The following MUC22 variants were observed in gnomAD, a reference collection of about 807,000 sequenced individuals.
MUC22 encodes the protein mucin-22.
Under a neutral mutation model 40.3 loss-of-function variants are expected in MUC22, and 24 were observed. The observed-to-expected ratio is 0.60, with a 90% CI of 0.43 to 0.84. The LOEUF (loss-of-function observed/expected upper bound fraction) is 0.84, where lower values mean the gene tolerates loss of function less well. Ranked by LOEUF, MUC22 falls within the 40% of genes least tolerant of loss-of-function variation. MUC22 has a pLI of 0.00. For synonymous variants in MUC22, 765 were observed against 844.5 expected (o/e 0.91, Z 1.63); for missense variants, 1,926 against 2,130.7 (o/e 0.90, Z 1.89).
At chr6:31,021,878 T>C (rs1420364398) in intron 1 of MUC22, among the ~76,000 whole-genome samples, 1 of 150,932 alleles carries the variant, frequency 6.6e-6, no homozygotes, top group Non-Finnish European at 1.5e-5. Flanking sequence ...CTTTGTTCTT[T>C]TGCTCTTTGC....
Position 31,032,598 on chromosome 6 carries a change from G to A in MUC22, c.5055+17G>A. 1 of 1,517,040 alleles carries A rather than the reference G, an allele frequency of 6.6e-7. No homozygotes were observed. Among genetic ancestry groups the A allele is most frequent in the Non-Finnish European group, 8.8e-7 (1 of 1,135,920 alleles). The allele number at this position is 1,517,040 out of a possible 1,614,324, so 94.0% of individuals were successfully genotyped here. On this transcript the variant is annotated intron_variant, in intron 3 of 3. Coordinates refer to ENST00000561890, the Ensembl canonical transcript of MUC22. This position sits in a 1 kb window ranked among gnomAD's most constrained non-coding sequence, Gnocchi z 4.1. The stretch of plus-strand genomic sequence containing the variant: ...TTTTGTCTGGTGAGTACCCAGGGTG[G>A]GTTCATAGGGGAGCCTGGCAAGAAG...
At position 31,029,848 on chromosome 6, in the gene MUC22, T is replaced by C. The variant is rs184361671; in HGVS notation, c.4417T>C (p.Ser1473Pro). 15 of 1,471,052 alleles carry C rather than the reference T, an allele frequency of 1.0e-5. No homozygotes were observed. The Admixed American group carries it at 3.2e-4, about 31-fold the overall frequency. 91.1% of individuals were successfully genotyped at this position (1,471,052 alleles called of 1,614,324 possible). The stretch of plus-strand genomic sequence containing the variant: ...GACCAACACAGCCTGTACCACAGGT[T>C]CTGAGACCTCCACACCCTCCAGTGC... Residue 1473 changes from serine (S) to proline (P), a missense_variant, in exon 2 of 4, where the codon TCT becomes CCT. Physicochemically the swap from Ser to Pro is moderately conservative, Grantham distance 74. Coordinates refer to ENST00000561890, the Ensembl canonical transcript of MUC22.
rs892872620 is a variant in MUC22 at position 31,026,034 on chromosome 6, A to T, written c.603A>T (p.Ala201=). The T allele has an allele frequency of 1.3e-5, 20 of 1,529,758 alleles. No individual in the cohort carries two copies. The African/African-American group carries it at 2.6e-4, about 20-fold the overall frequency. 94.8% of individuals were successfully genotyped at this position (1,529,758 alleles called of 1,614,324 possible). The change falls in exon 2 of 4, where the codon GCA becomes GCT. Residue 201 remains alanine, a synonymous_variant. Transcript: ENST00000561890. ...CTGAGACCACCACCACCTCCACTGC[A>T]AGCTCTGAGGCCACTAAAGTCTCTA...
chr6:31,011,950 G>A lies in MUC22; in HGVS notation c.70+1174G>A, dbSNP rs1763891599. ...ACTTCCCTGGTAGAAACAAACCGGA[G>A]TTCGGCCACTGAGGGGTTGGCTCTG... On this transcript the variant is annotated intron_variant, in intron 1 of 3. Coordinates refer to ENST00000561890, the Ensembl canonical transcript of MUC22. This position sits in a 1 kb window ranked among gnomAD's most constrained non-coding sequence, Gnocchi z 4.5. Among the ~76,000 whole-genome samples, 1 of 152,178 alleles carries A rather than the reference G, an allele frequency of 6.6e-6. No individual in the cohort carries two copies. The highest frequency in any genetic ancestry group is 2.1e-4 in the South Asian group (1 of 4,824).
At chr6:31,013,549 CT>C (rs1444874347) in intron 1 of MUC22, among the ~76,000 whole-genome samples, 1 of 152,182 alleles carries the variant, frequency 6.6e-6, no homozygotes, top group Non-Finnish European at 1.5e-5. Flanking sequence ...AAAAGAAATA[CT>C]TGTAGTCCTA....
exon 2 of MUC22, chr6:31,027,510 T>A: frequency 1.3e-6 from 2 of 1,529,652 alleles, no homozygotes; most frequent in Non-Finnish European, 1.7e-6. Flanking sequence ...CTGAAGGCTC[T>A]GAGATCACAA....
exon 4 of MUC22, chr6:31,034,980 C>T (rs1766348971): frequency 2.0e-6 from 3 of 1,514,312 alleles, no homozygotes; most frequent in East Asian, 2.5e-5. Flanking sequence ...ACCAAGGAGG[C>T]CACGGCAGGA....
In MUC22 at chr6:31,026,497, A is replaced by G. The variant is rs878946356; in HGVS notation, c.1066A>G (p.Thr356Ala). Residue 356 changes from threonine (T) to alanine (A), a missense_variant, in exon 2 of 4, where the codon ACC becomes GCC. Physicochemically the swap from Thr to Ala is moderately conservative, Grantham distance 58. Coordinates refer to ENST00000561890, the Ensembl canonical transcript of MUC22. ...CACCGTCTCCACTGCAGGCTCTGAG[A>G]CCACTACAGTCTCTATCACAGGCAC... The G allele has an allele frequency of 2.0e-6, 3 of 1,505,620 alleles. 1 individual carries two copies. The highest frequency in any genetic ancestry group is 2.8e-5 in the African/African-American group (2 of 71,554). The allele number at this position is 1,505,620 out of a possible 1,614,324, so 93.3% of individuals were successfully genotyped here.
chr6:31,027,405 T>C (rs1239897156), exon 2 of MUC22: 59 of 1,518,066 alleles, frequency 3.9e-5, no homozygotes, highest in Non-Finnish European at 4.6e-5. Flanking sequence ...CCACTACAGT[T>C]TCTATCACAG....
At chr6:31,035,035 G>A in exon 4 of MUC22, 1 of 1,248,916 alleles carries the variant, frequency 8.0e-7, no homozygotes, top group Non-Finnish European at 1.1e-6. Flanking sequence ...CATATTATGG[G>A]TGGGAGGGGG....
At chr6:31,008,344 G>T (rs778449102), upstream of MUC22, among the ~76,000 whole-genome samples, 1 of 152,160 alleles carries the variant, frequency 6.6e-6, no homozygotes, top group African/African-American at 2.4e-5. Context: ...GAACGAGAGG[G>T]AGCTCAGGAG....
At chr6:31,022,033 T>C (rs1210242735) in intron 1 of MUC22, among the ~76,000 whole-genome samples, 2 of 151,908 alleles carry the variant, frequency 1.3e-5, no homozygotes, top group Admixed American at 1.3e-4. Flanking sequence ...ACGCATGGGC[T>C]TAAGAGTTGC....
exon 4 of MUC22, chr6:31,035,101 C>A: frequency 1.3e-6 from 1 of 777,370 alleles, no homozygotes; most frequent in Non-Finnish European, 2.0e-6. Flanking sequence ...GCATAGGAAG[C>A]TTCCCAGGAT....
chr6:31,013,584 C>G (rs9380205), intron 1 of MUC22, among the ~76,000 whole-genome samples: 18,352 of 152,218 alleles, frequency 0.12, 1,323 homozygotes, highest in East Asian at 0.33. Context: ...AAAACTTCAG[C>G]CCCTGATTCC....
upstream of MUC22, among the ~76,000 whole-genome samples, chr6:31,007,823 A>G (rs189457125): frequency 1.3e-5 from 2 of 152,170 alleles, no homozygotes; most frequent in Non-Finnish European, 2.9e-5. The surrounding 1 kb of genome is among the most constrained non-coding windows in gnomAD (Gnocchi z 4.0). Context: ...CTTCCTAGTC[A>G]TCAGAACCCT....
rs761120295 is a variant in MUC22, at chr6:31,026,420, T to A, written c.989T>A (p.Val330Asp). ...ACGGCAGGATCCGAGAACACCACAG[T>A]CTCTAGTGCAGGCTCTGGGACCACC... The change falls in exon 2 of 4, where the codon GTC becomes GAC. Residue 330 changes from valine to aspartate, a missense_variant. Physicochemically the swap from Val to Asp is radical, Grantham distance 152. Around this residue, in one of 3 missense-constraint regions of MUC22, gnomAD observed 1,281 missense variants for 1,337.8 expected, o/e 0.96. Transcript: ENST00000561890. The A allele has an allele frequency of 3.3e-6, 5 of 1,500,006 alleles. No homozygotes were observed. The South Asian group carries it at 6.1e-5, about 18-fold the overall frequency. The allele number at this position is 1,500,006 out of a possible 1,614,324, so 92.9% of individuals were successfully genotyped here.
intron 1 of MUC22, among the ~76,000 whole-genome samples, chr6:31,016,237 T>C (rs529622130): frequency 6.6e-6 from 1 of 152,296 alleles, no homozygotes; most frequent in East Asian, 1.9e-4. Flanking sequence ...CTTTGCTTCA[T>C]AGGGATATTT....
At position 31,027,255 on chromosome 6, in the gene MUC22, C is replaced by T. The variant is rs879124957; in HGVS notation, c.1824C>T (p.Ala608=). 94 of 1,402,918 alleles carry T rather than the reference C, an allele frequency of 6.7e-5. 11 individuals are homozygous for T. The highest frequency in any genetic ancestry group is 3.0e-4 in the South Asian group (22 of 74,024). The allele number at this position is 1,402,918 out of a possible 1,614,324, so 86.9% of individuals were successfully genotyped here. A position where few individuals can be genotyped will look rare whatever the true frequency, so the allele number is the denominator to read the frequency against. Reference sequence around the variant, plus strand: ...CCACAGGCTCTGAGACCACCACAGCCTCCATCATGGGCTCTGAGACCAGCA... The same window carrying T: ...CCACAGGCTCTGAGACCACCACAGCTTCCATCATGGGCTCTGAGACCAGCA... The change falls in exon 2 of 4, where the codon GCC becomes GCT. Residue 608 remains alanine, a synonymous_variant. Coordinates refer to ENST00000561890, the Ensembl canonical transcript of MUC22.
chr6:31,027,001 A>G lies in MUC22; in HGVS notation c.1570A>G (p.Lys524Glu), dbSNP rs117058095. The G allele has an allele frequency of 9.7e-3, 14,482 of 1,491,652 alleles. 1,660 individuals are homozygous for G. Among genetic ancestry groups the G allele is most frequent in the East Asian group, 0.047 (1,873 of 39,688 alleles). The allele number at this position is 1,491,652 out of a possible 1,614,324, so 92.4% of individuals were successfully genotyped here. ...CAACACAGCATTTACTGAAGATTCTAAGACTACCACAGCCTCTACTACAGG... is the reference window on the plus strand; with the variant it reads ...CAACACAGCATTTACTGAAGATTCTGAGACTACCACAGCCTCTACTACAGG... The change falls in exon 2 of 4, where the codon AAG becomes GAG. Residue 524 changes from lysine to glutamate, a missense_variant. Lys to Glu is a moderately conservative substitution (Grantham distance 56). This residue lies in a region of MUC22 where 1,281 missense variants were observed against 1,337.8 expected (regional missense o/e 0.96). Transcript: ENST00000561890.
Sources: allele counts gnomAD v4.1 joint callset (sites outside exome capture counted in the v4.1 genomes callset), GRCh38; gene constraint gnomAD v4.1.1; regional missense constraint gnomAD v4.1.1; non-coding constraint Gnocchi (gnomAD v3.1); transcripts MANE v1.5; gene names NCBI Gene and HGNC (gene_info 2026-07-23, HGNC 2026-07-21).